The following VAT1L variants were observed in gnomAD, a reference collection of about 807,000 sequenced individuals.
VAT1L encodes putative NADPH-dependent quinone oxidoreductase VAT1L.
Under a neutral mutation model 44.1 loss-of-function variants are expected in VAT1L, and 34 were observed. The ratio of observed to expected loss-of-function variants is 0.77; its 90% CI spans 0.59 to 1.03. The LOEUF is 1.03. Ranked by LOEUF, VAT1L falls within the 50% of genes least tolerant of loss-of-function variation. The pLI, the probability that VAT1L is intolerant of heterozygous loss-of-function variation, is 0.00. For synonymous variants in VAT1L, 253 were observed against 202.2 expected (o/e 1.25, Z -2.13); for missense variants, 615 against 538.8 (o/e 1.14, Z -1.40).
chr16:77,955,487 C>T (rs565830804), intron 7 of VAT1L, among the ~76,000 whole-genome samples: 5 of 152,222 alleles, frequency 3.3e-5, no homozygotes, highest in South Asian at 4.1e-4. Flanking sequence ...CACTTTGGGA[C>T]GCCAAGGCGG....
chr16:77,908,950 AT>A (rs927918957), intron 7 of VAT1L, among the ~76,000 whole-genome samples: 8 of 152,146 alleles, frequency 5.3e-5, no homozygotes, highest in African/African-American at 1.7e-4. Flanking sequence ...GGAGAGTGGA[AT>A]TGAGTAGGAG....
At chr16:77,951,041 C>T (rs571941347) in intron 7 of VAT1L, among the ~76,000 whole-genome samples, 99 of 152,266 alleles carry the variant, frequency 6.5e-4, no homozygotes, top group Admixed American at 1.0e-3. Context: ...CAGCAGCGCC[C>T]GCGGTCTTGG....
At chr16:77,946,879 T>C (rs2017974282) in intron 7 of VAT1L, among the ~76,000 whole-genome samples, 1 of 152,178 alleles carries the variant, frequency 6.6e-6, no homozygotes, top group Non-Finnish European at 1.5e-5. Flanking sequence ...GAAACAAGAA[T>C]GGCTGAAGTC....
At chr16:77,876,668 C>T (rs1433271741) in intron 5 of VAT1L, among the ~76,000 whole-genome samples, 195 bp downstream of exon 5, 1 of 152,146 alleles carries the variant, frequency 6.6e-6, no homozygotes, top group Non-Finnish European at 1.5e-5. Flanking sequence ...GCCTACTGTC[C>T]TATATCCTAT....
chr16:77,909,839 T>G (rs1340180965), intron 7 of VAT1L, among the ~76,000 whole-genome samples: 1 of 152,096 alleles, frequency 6.6e-6, no homozygotes, highest in Admixed American at 6.5e-5. Flanking sequence ...ACTGGGGCTC[T>G]GAATTTTTCC....
chr16:77,907,751 C>A (rs2017453384), intron 7 of VAT1L, among the ~76,000 whole-genome samples: 2 of 152,122 alleles, frequency 1.3e-5, no homozygotes, highest in Admixed American at 1.3e-4. Flanking sequence ...TTCTCCTCCT[C>A]CCCTATCCTG....
At chr16:77,921,403 T>C (rs2017610119) in intron 7 of VAT1L, among the ~76,000 whole-genome samples, 1 of 152,168 alleles carries the variant, frequency 6.6e-6, no homozygotes, top group Admixed American at 6.5e-5. Flanking sequence ...TGGAAGTGAC[T>C]CTCCTTTAGG....
chr16:77,957,186 G>A (rs1195421099), intron 7 of VAT1L, among the ~76,000 whole-genome samples: 1 of 152,142 alleles, frequency 6.6e-6, no homozygotes. Context: ...GTTTTGAAGG[G>A]TCTTTGGAAT....
intron 3 of VAT1L, among the ~76,000 whole-genome samples, chr16:77,826,033 G>GAAAA (rs1157288505): frequency 1.3e-4 from 1 of 7,984 alleles, no homozygotes; most frequent in African/African-American, 3.3e-4. Flanking sequence ...AAAAAAAAAA[G>GAAAA]AAAAAAAAAA....
At position 77,793,575 on chromosome 16, in the gene VAT1L, A is replaced by C. The variant is rs2015874288; in HGVS notation, c.233+4660A>C. Among the ~76,000 whole-genome samples the C allele has an allele frequency of 2.0e-5, 3 of 152,252 alleles. No homozygotes were observed. In the South Asian group the frequency reaches 6.2e-4, roughly 32 times the overall value. ...GAGGGTCTCCAGGTTGGGCTGCAGG[A>C]ATGTATTTAAGTGGCCATTAACAAA... On this transcript the variant is annotated intron_variant, in intron 1 of 8. Coordinates refer to ENST00000302536, the MANE Select transcript of VAT1L (RefSeq NM_020927.3).
At chr16:77,862,570 C>T (rs1376130754) in intron 3 of VAT1L, among the ~76,000 whole-genome samples, 178 bp from the exon 4 acceptor site, 4 of 147,938 alleles carry the variant, frequency 2.7e-5, no homozygotes, top group Non-Finnish European at 5.9e-5. Context: ...GAGCCGAGAT[C>T]GCACCACTGC....
intron 3 of VAT1L, among the ~76,000 whole-genome samples, chr16:77,853,544 A>G (rs2016827266): frequency 6.6e-6 from 1 of 152,180 alleles, no homozygotes; most frequent in African/African-American, 2.4e-5. Flanking sequence ...AATCACAGGG[A>G]ATGTGCCAGT....
intron 7 of VAT1L, among the ~76,000 whole-genome samples, chr16:77,948,494 T>C (rs76710646): frequency 6.6e-5 from 10 of 152,238 alleles, no homozygotes; most frequent in African/African-American, 2.4e-4. Flanking sequence ...TAGTTGTCAT[T>C]TGGGGAAGAA....
chr16:77,852,873 T>A (rs2016821266), intron 3 of VAT1L, among the ~76,000 whole-genome samples: 1 of 152,192 alleles, frequency 6.6e-6, no homozygotes, highest in South Asian at 2.1e-4. Context: ...TCTCTGTGCT[T>A]CGGTTCTTCC....
chr16:77,828,021 G>A (rs2016542360), intron 3 of VAT1L, among the ~76,000 whole-genome samples: 1 of 152,306 alleles, frequency 6.6e-6, no homozygotes, highest in African/African-American at 2.4e-5. Context: ...CTCTCAGACG[G>A]GCTGGTCTCT....
chr16:77,789,454 G>A (rs568805528), intron 1 of VAT1L, among the ~76,000 whole-genome samples: 1 of 152,314 alleles, frequency 6.6e-6, no homozygotes, highest in Non-Finnish European at 1.5e-5. Flanking sequence ...CCACTAAGTG[G>A]CTTGGCCGGG....
intron 4 of VAT1L, among the ~76,000 whole-genome samples, chr16:77,863,345 T>C (rs1281448788): frequency 6.6e-6 from 1 of 152,168 alleles, no homozygotes; most frequent in Non-Finnish European, 1.5e-5. Flanking sequence ...AATAGGAGGT[T>C]TTATGGGCCA....
intron 7 of VAT1L, among the ~76,000 whole-genome samples, chr16:77,954,579 C>G (rs1210248079): frequency 6.6e-6 from 1 of 152,104 alleles, no homozygotes; most frequent in African/African-American, 2.4e-5. Flanking sequence ...GAGCCAAGAT[C>G]GTGCCACTGT....
chr16:77,885,740 A>C (rs2017203080), intron 7 of VAT1L, among the ~76,000 whole-genome samples: 1 of 152,210 alleles, frequency 6.6e-6, no homozygotes, highest in African/African-American at 2.4e-5. Context: ...AAAAATAACA[A>C]GTACGAAAGT....
Sources: allele counts gnomAD v4.1 joint callset (sites outside exome capture counted in the v4.1 genomes callset), GRCh38; gene constraint gnomAD v4.1.1; transcripts MANE v1.5; gene names NCBI Gene and HGNC (gene_info 2026-07-23, HGNC 2026-07-21).